The following TOMM7 variants were observed in gnomAD, a reference collection of about 807,000 sequenced individuals.
TOMM7 encodes the protein translocase of outer mitochondrial membrane 7.
TOMM7 carries 8 observed loss-of-function variants against 9.5 expected under a neutral mutation model. The observed-to-expected ratio is 0.84, with a 90% confidence interval of 0.49 to 1.51. The LOEUF (loss-of-function observed/expected upper bound fraction) is 1.51. TOMM7 is among the 40% of genes most tolerant of loss of function. The pLI is 0.00. For synonymous variants in TOMM7, 27 were observed against 21.4 expected, an observed-to-expected ratio of 1.26 and a Z score of -0.72; for missense variants, 74 against 63.7, an observed-to-expected ratio of 1.16 and a Z score of -0.55.
intron 1 of TOMM7, among the ~76,000 whole-genome samples, chr7:22,820,941 T>A (rs190914418): frequency 5.7e-4 from 86 of 149,806 alleles, no homozygotes; most frequent in Middle Eastern, 3.4e-3. Flanking sequence ...CTTTATCTTA[T>A]ACAATGCATG....
intron 2 of TOMM7, among the ~76,000 whole-genome samples, chr7:22,814,137 C>G (rs112095813): frequency 0.036 from 5,296 of 146,394 alleles, 150 homozygotes; most frequent in African/African-American, 0.069. Flanking sequence ...GAGTTCGAAA[C>G]CAGCCTGGGA....
At position 22,818,036 on chromosome 7, in the gene TOMM7, C is replaced by T. The variant is rs1782339242; in HGVS notation, c.116G>A (p.Gly39Asp). ...PLVIYLGFKR[G>D]ADPGMPEPTV... ...TGGTTCAGGCATTCCGGGATCTGCA[C>T]CCCTCTTAAATCCTGAATCAAGGAA... Residue 39 changes from glycine to aspartate, a missense_variant, in exon 2 of 3, where the codon GGT (glycine) becomes GAT (aspartate). By Grantham distance (94) the Gly-to-Asp change is moderately conservative (BLOSUM62 -1). Transcript: ENST00000358435. 4 of 1,613,732 alleles carry T rather than the reference C, an allele frequency of 2.5e-6. No individual in the cohort carries two copies. The highest frequency in any genetic ancestry group is 4.5e-5 in the East Asian group (2 of 44,882).
chr7:22,822,336 AC>A (rs1782404879), intron 1 of TOMM7: 5 of 1,464,834 alleles, frequency 3.4e-6, no homozygotes, highest in Admixed American at 4.6e-5. Context: ...GAGGAAAAAC[AC>A]CCCGAGAACC....
Position 22,813,098 on chromosome 7 carries a change from T to A in TOMM7, c.*72A>T. The A allele has an allele frequency of 6.5e-7, 1 of 1,534,968 alleles. No individual in the cohort carries two copies. Among genetic ancestry groups the A allele is most frequent in the Non-Finnish European group, 9.0e-7 (1 of 1,108,502 alleles). On this transcript the variant is annotated 3_prime_UTR_variant, in exon 3 of 3. Transcript: ENST00000358435. ...AGTGACTGAATGATGTCCCATCTCT[T>A]ATCCGAGCCAGAGCACACATCTTCC...
chr7:22,821,928 A>G (rs1051762156), intron 1 of TOMM7, among the ~76,000 whole-genome samples: 1 of 152,110 alleles, frequency 6.6e-6, no homozygotes, highest in Non-Finnish European at 1.5e-5. Flanking sequence ...AGAGCACAGG[A>G]GGGGAAGGTT....
At chr7:22,813,549 T>C (rs1782276569) in intron 2 of TOMM7, among the ~76,000 whole-genome samples, 1 of 152,056 alleles carries the variant, frequency 6.6e-6, no homozygotes, top group South Asian at 2.1e-4. Context: ...AAAATAACAT[T>C]TATTGAATGG....
chr7:22,822,838 G>T lies in TOMM7; in HGVS notation c.-59C>A, dbSNP rs1562674841. ...ACAGCAACCACAGCGTCGGGAATCC[G>T]AAAGGGAAAGGAGGTGCGCAGGCGC... On this transcript the variant is annotated 5_prime_UTR_variant, in exon 1 of 3. Transcript: ENST00000358435. 3 of 1,423,370 alleles carry T rather than the reference G, an allele frequency of 2.1e-6. No homozygotes were observed. Among genetic ancestry groups the T allele is most frequent in the Non-Finnish European group, 3.0e-6 (3 of 1,007,652 alleles). The allele number at this position is 1,423,370 out of a possible 1,614,324, so 88.2% of individuals were successfully genotyped here.
chr7:22,816,806 G>A (rs1320500123), intron 2 of TOMM7, among the ~76,000 whole-genome samples: 1 of 152,164 alleles, frequency 6.6e-6, no homozygotes, highest in Non-Finnish European at 1.5e-5. Context: ...ATGATCCAGT[G>A]GAAAGAATGT....
chr7:22,815,105 G>A (rs1782300187), intron 2 of TOMM7, among the ~76,000 whole-genome samples: 1 of 152,134 alleles, frequency 6.6e-6, no homozygotes, highest in African/African-American at 2.4e-5. Flanking sequence ...GAAACCAGAA[G>A]ATGCTCTTAA....
chr7:22,816,113 G>C (rs761694710), intron 2 of TOMM7, among the ~76,000 whole-genome samples: 44 of 152,110 alleles, frequency 2.9e-4, no homozygotes, highest in Non-Finnish European at 3.5e-4. Flanking sequence ...ACACTGAAAA[G>C]GTTAAAAATT....
chr7:22,822,629 C>T, intron 1 of TOMM7, 48 bp downstream of exon 1: 1 of 1,543,486 alleles, frequency 6.5e-7, no homozygotes, highest in Non-Finnish European at 9.0e-7. Flanking sequence ...CTGCTGTCTC[C>T]GCCACCCTCT....
chr7:22,822,272 G>A, intron 1 of TOMM7: 2 of 1,549,648 alleles, frequency 1.3e-6, no homozygotes, highest in Non-Finnish European at 8.7e-7. Flanking sequence ...ACTTTCACGA[G>A]GTGTCTCGAT....
intron 1 of TOMM7, among the ~76,000 whole-genome samples, chr7:22,819,930 T>G (rs565015811): frequency 6.6e-6 from 1 of 152,312 alleles, no homozygotes; most frequent in African/African-American, 2.4e-5. Context: ...CTTGTCATAT[T>G]TTATAGCACT....
At chr7:22,813,256 C>T in intron 2 of TOMM7, 71 bp from the exon 3 acceptor site, 1 of 1,413,618 alleles carries the variant, frequency 7.1e-7, no homozygotes. Context: ...AACCTAAGAC[C>T]TAGAAAATTT....
chr7:22,818,857 C>T (rs147022804), intron 1 of TOMM7, among the ~76,000 whole-genome samples: 152 of 144,306 alleles, frequency 1.1e-3, no homozygotes, highest in African/African-American at 3.5e-3. Flanking sequence ...AAGTGATCAG[C>T]CTCCTCAGCC....
At chr7:22,815,232 A>T (rs971940448) in intron 2 of TOMM7, among the ~76,000 whole-genome samples, 2 of 152,210 alleles carry the variant, frequency 1.3e-5, no homozygotes, top group Non-Finnish European at 2.9e-5. Flanking sequence ...CTGAAGGTTC[A>T]AATCTTGTTG....
chr7:22,816,709 C>T (rs1362034300), intron 2 of TOMM7, among the ~76,000 whole-genome samples: 2 of 152,292 alleles, frequency 1.3e-5, no homozygotes, highest in East Asian at 3.9e-4. Flanking sequence ...AAGAAGAGAG[C>T]AGCAAGGCAG....
Position 22,818,046 on chromosome 7 carries a change from A to T in TOMM7, c.106T>A (p.Phe36Ile). 6.2e-7 allele frequency: 1 copy of T among 1,613,898 alleles called. No individual in the cohort carries two copies. Among genetic ancestry groups the T allele is most frequent in the South Asian group, 1.1e-5 (1 of 91,074 alleles). ...ATTCCGGGATCTGCACCCCTCTTAA[A>T]TCCTGAATCAAGGAAGACAGAAGAG... ...GFIPLVIYLG[F>I]KRGADPGMPE... Residue 36 changes from phenylalanine (F) to isoleucine (I), a missense_variant and splice_region_variant, in exon 2 of 3, where the codon TTT (phenylalanine) becomes ATT (isoleucine). By Grantham distance (21) the Phe-to-Ile change is conservative (BLOSUM62 0). Transcript: ENST00000358435.
intron 2 of TOMM7, among the ~76,000 whole-genome samples, chr7:22,816,696 A>G (rs1158957305): frequency 6.6e-6 from 1 of 152,222 alleles, no homozygotes; most frequent in African/African-American, 2.4e-5. Flanking sequence ...CCTTCCTCTG[A>G]AAAAGAAGAG....
Sources: gnomAD v4.1 joint callset for allele counts (sites outside exome capture counted in the v4.1 genomes callset) on GRCh38, gnomAD v4.1.1 for gene constraint, MANE v1.5 for transcripts, NCBI Gene and HGNC (gene_info 2026-07-23, HGNC 2026-07-21) for gene names.